DOCK2: variants seen among roughly 807,000 people sequenced by gnomAD.
DOCK2 encodes dedicator of cytokinesis 2.
A neutral mutation model predicts 248.9 loss-of-function variants in DOCK2; 87 were observed. The ratio of observed to expected loss-of-function variants is 0.35; its 90% CI spans 0.29 to 0.42. The LOEUF is 0.42. Among genes scored for constraint, DOCK2 ranks in the 10% least tolerant of loss-of-function variants. The pLI, the probability that DOCK2 is intolerant of heterozygous loss-of-function variation, is 1.00. For synonymous variants in DOCK2, 805 were observed against 821.6 expected (o/e 0.98, Z 0.35); for missense variants, 1,747 against 2,300.2 (o/e 0.76, Z 4.92).
rs572413914 is a variant in DOCK2 at position 169,839,147 on chromosome 5, G to A, written c.2704-1610G>A. Among the ~76,000 whole-genome samples the A allele has an allele frequency of 7.4e-4, 112 of 152,236 alleles. 1 individual carries two copies. The highest frequency in any genetic ancestry group is 1.4e-3 in the Non-Finnish European group (92 of 68,014). ...TGTGTCAGGCTCTGGCTAGGTTCTG[G>A]AGACACAAGGCTGTTCCCAAACCCC... is the stretch of plus-strand genomic sequence containing the variant. On this transcript the variant is annotated intron_variant, in intron 26 of 51. Transcript: ENST00000520908.
At chr5:169,811,669 G>A (rs261016) in intron 26 of DOCK2, among the ~76,000 whole-genome samples, 41,733 of 152,096 alleles carry the variant, frequency 0.27, 7,082 homozygotes, top group African/African-American at 0.48. Context: ...CCTTCTAACT[G>A]GCAGTGTGTG....
At chr5:169,902,904 C>T (rs1257159545) in intron 27 of DOCK2, among the ~76,000 whole-genome samples, 3 of 152,104 alleles carry the variant, frequency 2.0e-5, no homozygotes, top group African/African-American at 7.2e-5. Flanking sequence ...TCGAGACCAT[C>T]TTGGCCAACA....
At chr5:170,046,394 G>A (rs908416689) in intron 39 of DOCK2, among the ~76,000 whole-genome samples, 1 of 152,196 alleles carries the variant, frequency 6.6e-6, no homozygotes, top group Non-Finnish European at 1.5e-5. Context: ...TTGTACTGCA[G>A]AAGCCTGGGT....
intron 15 of DOCK2, among the ~76,000 whole-genome samples, chr5:169,711,174 A>G (rs1761562993): frequency 6.6e-6 from 1 of 152,232 alleles, no homozygotes; most frequent in Admixed American, 6.5e-5. Flanking sequence ...TTTAATAGGC[A>G]TCTGTACAGT....
At chr5:169,677,717 A>G (rs915620694) in intron 6 of DOCK2, among the ~76,000 whole-genome samples, 1 of 152,206 alleles carries the variant, frequency 6.6e-6, no homozygotes, top group Non-Finnish European at 1.5e-5. Flanking sequence ...TTTGTAATGA[A>G]GTGCAGGCTC....
At position 170,057,411 on chromosome 5, in the gene DOCK2, T is replaced by C. The variant is rs1757169200; in HGVS notation, c.4381-169T>C. 1.0e-5 allele frequency: 7 copies of C among 678,242 alleles called. No individual in the cohort carries two copies. The East Asian group carries it at 1.9e-4, about 18-fold the overall frequency. 42.0% of individuals were successfully genotyped at this position (678,242 alleles called of 1,614,324 possible). ...ACACTTAATGTTGGGAAAGAATTCT[T>C]AAGGGTAAGGTGAGAGCGTGTTTCT... On this transcript the variant is annotated intron_variant, in intron 43 of 51. Coordinates refer to ENST00000520908, the MANE Select transcript of DOCK2 (RefSeq NM_004946.3).
Position 169,747,408 on chromosome 5 carries a change from C to T in DOCK2, c.2280C>T (p.Gly760=). The change falls in exon 23 of 52, where the codon GGC becomes GGT. Residue 760 remains glycine (G), a synonymous_variant. Coordinates refer to ENST00000520908, the MANE Select transcript of DOCK2 (RefSeq NM_004946.3). ...SRTLFSQLYE[G]KEQMEFEESM... ...TATCTTGTTTCAGGCTTTATGAAGG[C>T]AAAGAACAGATGGAGTTTGAAGAAT... 1 of 1,612,322 alleles carries T rather than the reference C, an allele frequency of 6.2e-7. No individual in the cohort carries two copies. Among genetic ancestry groups the T allele is most frequent in the Non-Finnish European group, 8.5e-7 (1 of 1,179,262 alleles).
chr5:169,739,545 G>A (rs552503340), intron 22 of DOCK2, among the ~76,000 whole-genome samples: 77 of 152,236 alleles, frequency 5.1e-4, no homozygotes, highest in Middle Eastern at 3.4e-3. Flanking sequence ...TATATAATGG[G>A]CATGTTATAC....
At chr5:169,681,612 C>T (rs1307556053) in intron 6 of DOCK2, 132 bp from the exon 7 acceptor site, 1 of 1,096,074 alleles carries the variant, frequency 9.1e-7, no homozygotes. Flanking sequence ...GTGTCCCAGG[C>T]TATCAGTGTA....
intron 27 of DOCK2, among the ~76,000 whole-genome samples, chr5:169,905,448 G>T (rs568709843): frequency 3.5e-4 from 54 of 152,320 alleles, no homozygotes; most frequent in Non-Finnish European, 6.2e-4. Context: ...TTTTCTTTCT[G>T]CAAGAAGTGG....
chr5:169,789,095 T>C (rs1257196091), intron 25 of DOCK2, among the ~76,000 whole-genome samples: 1 of 152,228 alleles, frequency 6.6e-6, no homozygotes, highest in Non-Finnish European at 1.5e-5. Context: ...ATGTAGTATC[T>C]GGTTTTCTGT....
intron 22 of DOCK2, among the ~76,000 whole-genome samples, chr5:169,722,768 A>G (rs1762279220): frequency 6.6e-6 from 1 of 152,224 alleles, no homozygotes; most frequent in South Asian, 2.1e-4. Flanking sequence ...TGCTTTTTTC[A>G]AAAACTCAGA....
At chr5:169,703,837 C>A (rs1373016023) in intron 14 of DOCK2, 1 of 152,162 alleles carries the variant, frequency 6.6e-6, no homozygotes, top group Admixed American at 6.5e-5. Context: ...AATGTAGAGA[C>A]CATTGCTTTG....
At chr5:169,882,582 G>A (rs1338286420) in intron 27 of DOCK2, 13 of 1,549,958 alleles carry the variant, frequency 8.4e-6, no homozygotes, top group Non-Finnish European at 1.1e-5. Context: ...CTTTCTCCAA[G>A]TCTTGAATTA....
At chr5:170,061,315 C>T (rs12186383) in intron 44 of DOCK2, among the ~76,000 whole-genome samples, 36,924 of 152,154 alleles carry the variant, frequency 0.24, 5,082 homozygotes, top group African/African-American at 0.37. Context: ...GCTTGATTTA[C>T]GTGTAGTAGA....
At chr5:169,650,106 G>A (rs991747680) in intron 1 of DOCK2, among the ~76,000 whole-genome samples, 60 of 152,264 alleles carry the variant, frequency 3.9e-4, no homozygotes, top group African/African-American at 1.3e-3. Flanking sequence ...CAGTGCTGGG[G>A]ATTTTGTCTG....
intron 27 of DOCK2, among the ~76,000 whole-genome samples, chr5:169,929,697 G>T (rs1775649335): frequency 6.7e-6 from 1 of 149,522 alleles, no homozygotes; most frequent in Non-Finnish European, 1.5e-5. Flanking sequence ...AGCCAAGAGG[G>T]GATCACTGCA....
chr5:169,864,117 GC>G, intron 27 of DOCK2: 1 of 671,830 alleles, frequency 1.5e-6, no homozygotes, highest in Non-Finnish European at 2.5e-6. Context: ...GTGTCCAGCA[GC>G]GGCTACATCA....
At chr5:169,927,274 G>T (rs532779413) in intron 27 of DOCK2, among the ~76,000 whole-genome samples, 1 of 152,150 alleles carries the variant, frequency 6.6e-6, no homozygotes, top group African/African-American at 2.4e-5. Context: ...AGATCCTCTA[G>T]AGCCTTGTAG....
Sources: gnomAD v4.1 joint callset for allele counts (sites outside exome capture counted in the v4.1 genomes callset) on GRCh38, gnomAD v4.1.1 for gene constraint, MANE v1.5 for transcripts, NCBI Gene and HGNC (gene_info 2026-07-23, HGNC 2026-07-21) for gene names.